ARHGEF38: variants seen among roughly 807,000 people sequenced by gnomAD.
ARHGEF38 encodes the protein Rho guanine nucleotide exchange factor 38.
In ARHGEF38, 79 loss-of-function variants were observed where a neutral mutation model predicts 79.9. The observed-to-expected ratio is 0.99, with a 90% CI of 0.82 to 1.19. ARHGEF38 has a LOEUF of 1.19. Ranked by LOEUF, ARHGEF38 falls within the 50% of genes most tolerant of loss-of-function variation. The probability of loss-of-function intolerance (pLI) is 0.00; values close to 1 mark genes in which losing one functional copy is unlikely to be tolerated. For synonymous variants in ARHGEF38, 366 were observed against 328.3 expected (o/e 1.11, Z -1.24); for missense variants, 962 against 907.2 (o/e 1.06, Z -0.78).
intron 9 of ARHGEF38, among the ~76,000 whole-genome samples, chr4:105,657,015 TGAGATAGATAG>T (rs1293832172): frequency 6.6e-6 from 1 of 151,624 alleles, no homozygotes; most frequent in Admixed American, 6.6e-5. Flanking sequence ...ATGGTGATGA[TGAGATAGATAG>T]ATGATAGATA....
intron 5 of ARHGEF38, among the ~76,000 whole-genome samples, chr4:105,644,037 T>C (rs1729733431): frequency 6.6e-6 from 1 of 151,940 alleles, no homozygotes; most frequent in Admixed American, 6.6e-5. Flanking sequence ...TGGCTAACTT[T>C]TGTATTTTTT....
At chr4:105,643,872 C>CTTTTTTTTT (rs5860804) in intron 5 of ARHGEF38, among the ~76,000 whole-genome samples, 1 of 98,098 alleles carries the variant, frequency 1.0e-5, no homozygotes, top group Non-Finnish European at 1.9e-5. Flanking sequence ...TGCCTTCCTA[C>CTTTTTTTTT]TTTTTTTTTT....
chr4:105,646,360 A>C (rs1729840305), intron 6 of ARHGEF38, among the ~76,000 whole-genome samples: 1 of 152,218 alleles, frequency 6.6e-6, no homozygotes, highest in African/African-American at 2.4e-5. Context: ...GTAATACAAA[A>C]AGGTTAAAAA....
At position 105,677,905 on chromosome 4, in the gene ARHGEF38, G is replaced by T. The variant is rs2149171401; in HGVS notation, c.2302G>T (p.Ala768Ser). 2 of 1,531,474 alleles carry T rather than the reference G, an allele frequency of 1.3e-6. No homozygotes were observed. The highest frequency in any genetic ancestry group is 2.4e-5 in the East Asian group (1 of 40,870). 94.9% of individuals were successfully genotyped at this position (1,531,474 alleles called of 1,614,324 possible). The change falls in exon 14 of 14, where the codon GCT (alanine) becomes TCT (serine). Residue 768 changes from alanine to serine, a missense_variant. Coordinates refer to ENST00000420470, the MANE Select transcript of ARHGEF38 (RefSeq NM_001242729.2). ...TCAAGGGCAGAAAGGATACGTGCCAGCTAACTACCTTGGAAAGATGACTTA... is the reference window on the plus strand; with the variant it reads ...TCAAGGGCAGAAAGGATACGTGCCATCTAACTACCTTGGAAAGATGACTTA... Reference protein sequence around the residue: ...EAQGQKGYVPANYLGKMTYA With the variant: ...EAQGQKGYVPSNYLGKMTYA
chr4:105,586,174 G>A (rs1321994753), intron 1 of ARHGEF38, among the ~76,000 whole-genome samples: 1 of 150,166 alleles, frequency 6.7e-6, no homozygotes, highest in African/African-American at 2.5e-5. Context: ...TTTAAATGCA[G>A]AGAAAGATCT....
intron 3 of ARHGEF38, among the ~76,000 whole-genome samples, chr4:105,622,994 G>T (rs541833462): frequency 6.6e-6 from 1 of 152,264 alleles, no homozygotes; most frequent in South Asian, 2.1e-4. Flanking sequence ...TATGCCTTTG[G>T]AAGAAGGAAG....
At chr4:105,587,529 C>T (rs1383741566) in intron 1 of ARHGEF38, among the ~76,000 whole-genome samples, 2 of 152,122 alleles carry the variant, frequency 1.3e-5, no homozygotes, top group Non-Finnish European at 2.9e-5. Flanking sequence ...GGCACGATCT[C>T]GGCTCACTGC....
Position 105,667,178 on chromosome 4 carries a change from C to A in ARHGEF38, c.1739C>A (p.Thr580Lys). The A allele has an allele frequency of 3.9e-6, 6 of 1,536,094 alleles. No homozygotes were observed. The highest frequency in any genetic ancestry group is 5.2e-6 in the Non-Finnish European group (6 of 1,146,890). The change falls in exon 12 of 14, where the codon ACA (threonine) becomes AAA (lysine). Residue 580 changes from threonine (T) to lysine (K), a missense_variant. By Grantham distance (78) the Thr-to-Lys change is moderately conservative (BLOSUM62 -1). Coordinates refer to ENST00000420470, the MANE Select transcript of ARHGEF38 (RefSeq NM_001242729.2). ...TDIHRSKLLS[T>K]YSAEELYQAK... is the part of the protein sequence containing the mutation. ...ATTCATCGCTCCAAACTTCTATCCA[C>A]ATATAGTGCAGAGGAACTCTATCAA...
Position 105,666,293 on chromosome 4 carries a change from TG to T in ARHGEF38, c.1663del (p.Glu555LysfsTer57). 6.5e-7 allele frequency: 1 copy of T among 1,532,628 alleles called. No homozygotes were observed. The highest frequency in any genetic ancestry group is 8.7e-7 in the Non-Finnish European group (1 of 1,145,738). The allele number at this position is 1,532,628 out of a possible 1,614,324, so 94.9% of individuals were successfully genotyped here. On this transcript the variant is annotated frameshift_variant, in exon 11 of 14. Transcript: ENST00000420470. LOFTEE classifies it high-confidence loss of function. ...ATFIERKLSFEKKKPVQILPE... is the reference protein window; with the variant it reads ...ATFIERKLSFXKKKPVQILPE... Reference sequence around the variant, plus strand: ...CCTTTATTGAGAGGAAACTCAGTTTTGAAAAGAAGAAACCTGTGCAGATTCT... The same window carrying T: ...CCTTTATTGAGAGGAAACTCAGTTTTAAAAGAAGAAACCTGTGCAGATTCT...
At chr4:105,567,146 A>G (rs535533804) in intron 1 of ARHGEF38, among the ~76,000 whole-genome samples, 2 of 152,250 alleles carry the variant, frequency 1.3e-5, no homozygotes, top group East Asian at 1.9e-4. Context: ...GACTTTTTTC[A>G]CTTAACATAA....
chr4:105,596,298 C>T (rs192541523), intron 2 of ARHGEF38, among the ~76,000 whole-genome samples: 8 of 152,196 alleles, frequency 5.3e-5, no homozygotes, highest in Admixed American at 4.6e-4. Context: ...CTTAGCTGGC[C>T]GCTTTTTCAA....
chr4:105,561,469 A>AGAATAGAATGGAATGGAATAGAATG (rs1560684572), intron 1 of ARHGEF38: 2 of 49,660 alleles, frequency 4.0e-5, no homozygotes, highest in African/African-American at 8.7e-5. Context: ...AGAATAGAAT[A>AGAATAGAATGGAATGGAATAGAATG]GAATAGAATA....
chr4:105,631,963 A>G (rs1578329700), intron 4 of ARHGEF38, among the ~76,000 whole-genome samples: 1 of 152,242 alleles, frequency 6.6e-6, no homozygotes, highest in African/African-American at 2.4e-5. Flanking sequence ...AAGTCAATGT[A>G]CACCCGTCTG....
At chr4:105,581,804 C>T (rs1726802912) in intron 1 of ARHGEF38, among the ~76,000 whole-genome samples, 1 of 151,988 alleles carries the variant, frequency 6.6e-6, no homozygotes, top group Non-Finnish European at 1.5e-5. Flanking sequence ...ATTATGCTAT[C>T]AATTTTATTT....
At chr4:105,567,876 A>G (rs1053739907) in intron 1 of ARHGEF38, among the ~76,000 whole-genome samples, 1 of 151,378 alleles carries the variant, frequency 6.6e-6, no homozygotes, top group African/African-American at 2.4e-5. Flanking sequence ...GGTGCGCTGC[A>G]CCCACTAACT....
At chr4:105,596,051 T>G (rs1175489059) in intron 2 of ARHGEF38, among the ~76,000 whole-genome samples, 1 of 152,208 alleles carries the variant, frequency 6.6e-6, no homozygotes, top group Non-Finnish European at 1.5e-5. Context: ...ACCATAAATT[T>G]GATGTTCATG....
In ARHGEF38 at chr4:105,648,709, C is replaced by G. The variant is rs142033343; in HGVS notation, c.1008+27C>G. 2.7e-6 allele frequency: 4 copies of G among 1,491,416 alleles called. No individual in the cohort carries two copies. The East Asian group carries it at 7.4e-5, about 28-fold the overall frequency. The allele number at this position is 1,491,416 out of a possible 1,614,324, so 92.4% of individuals were successfully genotyped here. ...TAATTTTTCTTCTTGGACCACCCAC[C>G]TTTTCCCAGGGAACATGAATGCAGA... On this transcript the variant is annotated intron_variant, in intron 7 of 13. Coordinates refer to ENST00000420470, the MANE Select transcript of ARHGEF38 (RefSeq NM_001242729.2).
intron 3 of ARHGEF38, among the ~76,000 whole-genome samples, chr4:105,627,280 C>A (rs1249160650): frequency 2.6e-5 from 4 of 152,130 alleles, no homozygotes; most frequent in African/African-American, 9.7e-5. Flanking sequence ...CCTTGAAAAT[C>A]ACTGACTTTA....
chr4:105,673,653 T>C (rs1270407312), intron 13 of ARHGEF38, among the ~76,000 whole-genome samples: 7 of 152,206 alleles, frequency 4.6e-5, no homozygotes, highest in Non-Finnish European at 8.8e-5. Context: ...CCATTTTTAT[T>C]ACCACTTCAG....
Sources: gnomAD v4.1 joint callset for allele counts (sites outside exome capture counted in the v4.1 genomes callset) on GRCh38, gnomAD v4.1.1 for gene constraint, MANE v1.5 for transcripts, NCBI Gene and HGNC (gene_info 2026-07-23, HGNC 2026-07-21) for gene names.